The following UNC80 variants were observed in gnomAD, a reference collection of about 807,000 sequenced individuals.
UNC80 encodes the protein unc-80 subunit of NALCN channel complex, also known as protein unc-80 homolog.
Under a neutral mutation model 384.6 loss-of-function variants are expected in UNC80, and 164 were observed. The ratio of observed to expected loss-of-function variants is 0.43; its 90% CI spans 0.38 to 0.49. UNC80 has a LOEUF of 0.49. Among genes scored for constraint, UNC80 ranks in the 20% least tolerant of loss-of-function variants. The probability of loss-of-function intolerance (pLI) is 0.00; values close to 1 mark genes in which losing one functional copy is unlikely to be tolerated. For missense variants in UNC80, 3,330 were observed against 4,143.0 expected (o/e 0.80, Z 5.39); for synonymous variants, 1,486 against 1,527.8 (o/e 0.97, Z 0.64).
In UNC80 at chr2:209,945,841, C is replaced by T; in HGVS notation, c.7190-6C>T. ...GATAGTTTGCCTTTACTTTTTGTTC[C>T]TTCAGATTTCTGCTATGGAAACGAA... is the stretch of plus-strand genomic sequence containing the variant. On this transcript the variant is annotated splice_polypyrimidine_tract_variant and splice_region_variant and intron_variant, in intron 46 of 64. Coordinates refer to ENST00000673920, the MANE Select transcript of UNC80 (RefSeq NM_001371986.1). 6.5e-7 allele frequency: 1 copy of T among 1,549,842 alleles called. No homozygotes were observed. The highest frequency in any genetic ancestry group is 8.7e-7 in the Non-Finnish European group (1 of 1,145,462).
chr2:209,952,519 T>C (rs918626518), intron 47 of UNC80, among the ~76,000 whole-genome samples: 1 of 152,198 alleles, frequency 6.6e-6, no homozygotes, highest in Non-Finnish European at 1.5e-5. Context: ...CTACTGAAAA[T>C]CCTGCTTAGC....
intron 6 of UNC80, among the ~76,000 whole-genome samples, chr2:209,789,870 T>C (rs2077686842): frequency 6.6e-6 from 1 of 152,126 alleles, no homozygotes; most frequent in Non-Finnish European, 1.5e-5. Flanking sequence ...TGAGTTGTGC[T>C]TTATCTCAAT....
At chr2:209,901,470 C>A (rs1466736268) in intron 28 of UNC80, among the ~76,000 whole-genome samples, 1 of 152,134 alleles carries the variant, frequency 6.6e-6, no homozygotes, top group Admixed American at 6.5e-5. Context: ...AAAAAAATTT[C>A]TTTCAATAGA....
At chr2:209,826,343 A>G (rs1559153593) in intron 14 of UNC80, among the ~76,000 whole-genome samples, 1 of 152,194 alleles carries the variant, frequency 6.6e-6, no homozygotes, top group Non-Finnish European at 1.5e-5. Context: ...GCTTGAAAGA[A>G]CTTTTGCACA....
In UNC80 at chr2:209,976,687, C is replaced by A. The variant is rs2093022825; in HGVS notation, c.8773-226C>A. 6.6e-6 allele frequency among the ~76,000 whole-genome samples: 1 copy of A among 151,870 alleles called. No homozygotes were observed. Among genetic ancestry groups the A allele is most frequent in the African/African-American group, 2.4e-5 (1 of 41,310 alleles). ...AGGATACTTAACGTATGTTTTTCCTCCAAGACCCTCGGTACCCATCTACAC... is the reference window on the plus strand; with the variant it reads ...AGGATACTTAACGTATGTTTTTCCTACAAGACCCTCGGTACCCATCTACAC... On this transcript the variant is annotated intron_variant, in intron 57 of 64. Coordinates refer to ENST00000673920, the MANE Select transcript of UNC80 (RefSeq NM_001371986.1). This position sits in a 1 kb window ranked among gnomAD's most constrained non-coding sequence, Gnocchi z 4.3.
intron 22 of UNC80, among the ~76,000 whole-genome samples, chr2:209,867,214 A>G (rs532986262): frequency 1.6e-4 from 24 of 152,340 alleles, no homozygotes; most frequent in African/African-American, 5.5e-4. Flanking sequence ...CAGGCCCTAC[A>G]ATGGATCTAC....
intron 23 of UNC80, among the ~76,000 whole-genome samples, chr2:209,876,282 A>C (rs2084776198): frequency 6.6e-6 from 1 of 152,198 alleles, no homozygotes; most frequent in Admixed American, 6.5e-5. Context: ...ATGTGGGCTT[A>C]TAATCTACCA....
At chr2:209,977,609 G>A (rs1026596618) in intron 58 of UNC80, among the ~76,000 whole-genome samples, 2 of 152,176 alleles carry the variant, frequency 1.3e-5, no homozygotes, top group South Asian at 2.1e-4. Context: ...AGTGATTATT[G>A]TAAGGGGATT....
chr2:209,844,710 C>T (rs1461800367), intron 21 of UNC80, among the ~76,000 whole-genome samples: 1 of 151,664 alleles, frequency 6.6e-6, no homozygotes, highest in East Asian at 1.9e-4. Context: ...CTGCCTCAGC[C>T]TTGCAAGTAG....
In UNC80 at chr2:209,849,641, T is replaced by A. The variant is rs1163549598; in HGVS notation, c.3627+18T>A. The A allele has an allele frequency of 6.5e-7, 1 of 1,540,142 alleles. No individual in the cohort carries two copies. Among genetic ancestry groups the A allele is most frequent in the Non-Finnish European group, 8.7e-7 (1 of 1,144,712 alleles). ...TGGATCTAGTAAGTTGGTGAAAGAA[T>A]TTTCCCACCCTGCCCCCCATCCCAA... On this transcript the variant is annotated intron_variant, in intron 22 of 64. Coordinates refer to ENST00000673920, the MANE Select transcript of UNC80 (RefSeq NM_001371986.1).
rs1322084763 is a variant in UNC80, at chr2:209,976,868, T to G, written c.8773-45T>G. The G allele has an allele frequency of 1.4e-6, 2 of 1,472,006 alleles. No individual in the cohort carries two copies. The highest frequency in any genetic ancestry group is 4.4e-5 in the Admixed American group (2 of 45,652). 91.2% of individuals were successfully genotyped at this position (1,472,006 alleles called of 1,614,324 possible). A position where few individuals can be genotyped will look rare whatever the true frequency, so the allele number is the denominator to read the frequency against. Reference sequence around the variant, plus strand: ...TAGGTACAGCAATTAGCCCATTTTATGGATGGAAAATTGAGGCCCTGAGAA... The same window carrying G: ...TAGGTACAGCAATTAGCCCATTTTAGGGATGGAAAATTGAGGCCCTGAGAA... On this transcript the variant is annotated intron_variant, in intron 57 of 64. Transcript: ENST00000673920. The surrounding 1 kb of genome is among the most constrained non-coding windows in gnomAD (Gnocchi z 4.3).
intron 7 of UNC80, among the ~76,000 whole-genome samples, chr2:209,797,299 ACCTGTCCCCTAAGTTC>A (rs1274919481): frequency 6.6e-6 from 1 of 151,892 alleles, no homozygotes; most frequent in African/African-American, 2.4e-5. Context: ...GCACCTATTG[ACCTGTCCCCTAAGTTC>A]CCTCACCTCA....
intron 7 of UNC80, among the ~76,000 whole-genome samples, chr2:209,797,719 T>G (rs2078255253): frequency 6.6e-6 from 1 of 152,188 alleles, no homozygotes; most frequent in Admixed American, 6.5e-5. Flanking sequence ...TTTCTAGATC[T>G]TTGAGGAATC....
At chr2:209,993,450 G>A (rs1275204355) in intron 63 of UNC80, 24 bp downstream of exon 63, 1 of 1,541,182 alleles carries the variant, frequency 6.5e-7, no homozygotes, top group Non-Finnish European at 8.8e-7. Context: ...TGTCCCTTCT[G>A]ACTATACCAT....
chr2:209,963,737 A>G lies in UNC80; in HGVS notation c.7806-3700A>G, dbSNP rs2092665809. Among the ~76,000 whole-genome samples the G allele has an allele frequency of 2.0e-5, 3 of 152,260 alleles. No individual in the cohort carries two copies. In the South Asian group the frequency reaches 6.2e-4, roughly 31 times the overall value. ...TTCTTTAAAACACCCACATTCACACAGAATTCCAGGACAATGTGAATATGT... is the reference window on the plus strand; with the variant it reads ...TTCTTTAAAACACCCACATTCACACGGAATTCCAGGACAATGTGAATATGT... On this transcript the variant is annotated intron_variant, in intron 51 of 64. Transcript: ENST00000673920.
intron 61 of UNC80, among the ~76,000 whole-genome samples, chr2:209,988,464 C>A (rs1368105948): frequency 6.6e-6 from 1 of 151,946 alleles, no homozygotes; most frequent in Non-Finnish European, 1.5e-5. Flanking sequence ...TATTGAATGG[C>A]CCTTGTTTAC....
chr2:209,773,226 C>A, intron 2 of UNC80, 84 bp downstream of exon 2: 1 of 1,169,192 alleles, frequency 8.6e-7, no homozygotes, highest in Non-Finnish European at 1.3e-6. Flanking sequence ...ATCAAACGGA[C>A]TATATATATT....
intron 7 of UNC80, among the ~76,000 whole-genome samples, chr2:209,805,358 A>G (rs936904731): frequency 2.0e-5 from 3 of 152,228 alleles, no homozygotes; most frequent in Non-Finnish European, 2.9e-5. Context: ...CAAAATCTGT[A>G]TTAGCTGTCA....
At position 209,985,057 on chromosome 2, in the gene UNC80, A is replaced by G. The variant is rs553019079; in HGVS notation, c.9314+145A>G. ...TCCTTGCCCTTTGTTGTTCATGAAC[A>G]TATGAGCCTGGAAGTCAAAGGTGTA... On this transcript the variant is annotated intron_variant, in intron 61 of 64. Coordinates refer to ENST00000673920, the MANE Select transcript of UNC80 (RefSeq NM_001371986.1). 259 of 654,658 alleles carry G rather than the reference A, an allele frequency of 4.0e-4. 3 individuals carry two copies. In the South Asian group the frequency reaches 8.4e-3, roughly 21 times the overall value. 40.6% of individuals were successfully genotyped at this position (654,658 alleles called of 1,614,324 possible).
Sources: gnomAD v4.1 joint callset for allele counts (sites outside exome capture counted in the v4.1 genomes callset) on GRCh38, gnomAD v4.1.1 for gene constraint, Gnocchi (gnomAD v3.1) non-coding constraint, MANE v1.5 for transcripts, NCBI Gene and HGNC (gene_info 2026-07-23, HGNC 2026-07-21) for gene names.